KCND3: variants seen among roughly 807,000 people sequenced by gnomAD.
KCND3 encodes the protein potassium voltage-gated channel subfamily D member 3.
A neutral mutation model predicts 51.1 loss-of-function variants in KCND3; 9 were observed. The ratio of observed to expected loss-of-function variants is 0.18; its 90% CI spans 0.11 to 0.31. The LOEUF is 0.31. Ranked by LOEUF, KCND3 falls within the 10% of genes least tolerant of loss-of-function variation. The probability of loss-of-function intolerance (pLI) is 1.00; values close to 1 mark genes in which losing one functional copy is unlikely to be tolerated. For missense variants in KCND3, 526 were observed against 903.8 expected, an observed-to-expected ratio of 0.58 and a Z score of 5.36; for synonymous variants, 349 against 368.0, an observed-to-expected ratio of 0.95 and a Z score of 0.59.
chr1:111,940,112 A>ATTTTTT (rs1672442150), intron 2 of KCND3, among the ~76,000 whole-genome samples: 1 of 64,798 alleles, frequency 1.5e-5, no homozygotes. Flanking sequence ...TTCCTTGTAG[A>ATTTTTT]TTCTGGATAT....
At chr1:111,984,003 G>A (rs1050741253) in intron 1 of KCND3, among the ~76,000 whole-genome samples, 2 of 152,188 alleles carry the variant, frequency 1.3e-5, no homozygotes, top group Non-Finnish European at 2.9e-5. Flanking sequence ...GGAAACACAC[G>A]TAACAGAAAT....
chr1:111,828,858 C>T (rs1666700322), intron 2 of KCND3, among the ~76,000 whole-genome samples: 1 of 152,168 alleles, frequency 6.6e-6, no homozygotes, highest in Non-Finnish European at 1.5e-5. Flanking sequence ...TGCTCACAGC[C>T]CACTGTGGTC....
intron 2 of KCND3, among the ~76,000 whole-genome samples, chr1:111,914,408 A>C (rs1480670835): frequency 6.6e-6 from 1 of 152,212 alleles, no homozygotes; most frequent in Non-Finnish European, 1.5e-5. Flanking sequence ...AGCCTTCAGA[A>C]TTTGGTGCAA....
At chr1:111,909,561 T>C (rs1311839224) in intron 2 of KCND3, 3 of 152,104 alleles carry the variant, frequency 2.0e-5, no homozygotes, top group Non-Finnish European at 4.4e-5. Context: ...ATATGAAGGA[T>C]ATATGGGAGT....
At chr1:111,870,500 G>A (rs150767916) in intron 2 of KCND3, among the ~76,000 whole-genome samples, 100 of 152,292 alleles carry the variant, frequency 6.6e-4, no homozygotes, top group African/African-American at 2.3e-3. Flanking sequence ...TTCAATTAGA[G>A]GGTCAGCTGA....
In KCND3 at chr1:111,981,543, G is replaced by A. The variant is rs867793255; in HGVS notation, c.1106+78C>T. On this transcript the variant is annotated intron_variant, in intron 2 of 7. Transcript: ENST00000302127. The surrounding 1 kb of genome is among the most constrained non-coding windows in gnomAD (Gnocchi z 6.2). ...GACTCCCTCCTCCTCTACCCATGGT[G>A]ACACCATCCAAGGTTTCAGAGGTCA... 6.2e-7 allele frequency: 1 copy of A among 1,601,338 alleles called. No individual in the cohort carries two copies.
chr1:111,852,490 G>C (rs577282340), intron 2 of KCND3, among the ~76,000 whole-genome samples: 1 of 152,132 alleles, frequency 6.6e-6, no homozygotes, highest in Non-Finnish European at 1.5e-5. Context: ...CTCTGTCTCC[G>C]GCACCTTCTT....
intron 2 of KCND3, among the ~76,000 whole-genome samples, chr1:111,946,770 T>C (rs866515466): frequency 3.9e-5 from 6 of 152,240 alleles, no homozygotes; most frequent in Admixed American, 3.9e-4. Flanking sequence ...TGGTCTTAGT[T>C]CCCACACCAC....
chr1:111,908,844 G>A (rs1225827777), intron 2 of KCND3, among the ~76,000 whole-genome samples: 1 of 151,662 alleles, frequency 6.6e-6, no homozygotes, highest in Non-Finnish European at 1.5e-5. Flanking sequence ...AAGGGAGAAG[G>A]AGGGGGGCAG....
intron 2 of KCND3, among the ~76,000 whole-genome samples, chr1:111,979,316 G>C (rs533328899): frequency 1.3e-5 from 2 of 152,130 alleles, no homozygotes; most frequent in Non-Finnish European, 2.9e-5. Flanking sequence ...AGAAGTCAGC[G>C]GTTTCCCCAG....
chr1:111,953,765 T>C (rs1184514797), intron 2 of KCND3, among the ~76,000 whole-genome samples: 1 of 152,256 alleles, frequency 6.6e-6, no homozygotes, highest in Non-Finnish European at 1.5e-5. Context: ...GAGCAGGTCA[T>C]GACACTGTCA....
intron 2 of KCND3, among the ~76,000 whole-genome samples, chr1:111,791,714 G>A (rs1664835987): frequency 6.6e-6 from 1 of 152,212 alleles, no homozygotes; most frequent in East Asian, 1.9e-4. Context: ...ATGAATTGAG[G>A]TCTTTAGGAG....
rs377267051 is a variant in KCND3 at position 111,981,611 on chromosome 1, G to A, written c.1106+10C>T. On this transcript the variant is annotated intron_variant, in intron 2 of 7. Coordinates refer to ENST00000302127, the MANE Select transcript of KCND3 (RefSeq NM_001378969.1). This position sits in a 1 kb window ranked among gnomAD's most constrained non-coding sequence, Gnocchi z 6.2. ...CTCCGTCCTGGTTTCATCCACCAGCGCTGACTTACCCCAGTGTGGTCATGG... is the reference window on the plus strand; with the variant it reads ...CTCCGTCCTGGTTTCATCCACCAGCACTGACTTACCCCAGTGTGGTCATGG... The A allele has an allele frequency of 9.8e-5, 158 of 1,614,086 alleles. No individual in the cohort carries two copies. Among genetic ancestry groups the A allele is most frequent in the African/African-American group, 3.3e-4 (25 of 75,036 alleles).
chr1:111,949,567 A>G (rs2101902942), intron 2 of KCND3, among the ~76,000 whole-genome samples: 1 of 152,306 alleles, frequency 6.6e-6, no homozygotes, highest in East Asian at 1.9e-4. Flanking sequence ...AAAGGGCAGG[A>G]AGCAGGAGTA....
intron 2 of KCND3, among the ~76,000 whole-genome samples, chr1:111,888,759 G>A (rs1487925242): frequency 6.6e-6 from 1 of 151,648 alleles, no homozygotes; most frequent in Non-Finnish European, 1.5e-5. Flanking sequence ...CCCAAAGACA[G>A]ACAGAAACCT....
chr1:111,950,370 C>G lies in KCND3; in HGVS notation c.1106+31251G>C, dbSNP rs58084624. ...CCCACTGTTTGACAACACCACCTTCCGCCTGTCCTTGTGGTAGCACTTTTG... is the reference window on the plus strand; with the variant it reads ...CCCACTGTTTGACAACACCACCTTCGGCCTGTCCTTGTGGTAGCACTTTTG... On this transcript the variant is annotated intron_variant, in intron 2 of 7. Transcript: ENST00000302127. Among the ~76,000 whole-genome samples, 1,342 of 152,248 alleles carry G rather than the reference C, an allele frequency of 8.8e-3. 20 individuals are homozygous for G. The highest frequency in any genetic ancestry group is 0.03 in the African/African-American group (1,250 of 41,532).
intron 2 of KCND3, among the ~76,000 whole-genome samples, chr1:111,959,893 G>A (rs1673545450): frequency 6.6e-6 from 1 of 152,090 alleles, no homozygotes; most frequent in South Asian, 2.1e-4. Flanking sequence ...GAGCGACCTG[G>A]TGGAAGGTAA....
At chr1:111,988,154 C>A (rs1387939169) in intron 1 of KCND3, among the ~76,000 whole-genome samples, 1 of 152,178 alleles carries the variant, frequency 6.6e-6, no homozygotes, top group Admixed American at 6.5e-5. Flanking sequence ...TCTCACATCA[C>A]ATCCCCTAGC....
chr1:111,935,230 A>T (rs1229490493), intron 2 of KCND3, among the ~76,000 whole-genome samples: 1 of 152,234 alleles, frequency 6.6e-6, no homozygotes, highest in East Asian at 1.9e-4. Context: ...CTTATAAAAA[A>T]GTCTTTTGTA....
Sources: gnomAD v4.1 joint callset for allele counts (sites outside exome capture counted in the v4.1 genomes callset) on GRCh38, gnomAD v4.1.1 for gene constraint, Gnocchi (gnomAD v3.1) non-coding constraint, MANE v1.5 for transcripts, NCBI Gene and HGNC (gene_info 2026-07-23, HGNC 2026-07-21) for gene names.